The following BIRC6 variants were observed in gnomAD, a reference collection of about 807,000 sequenced individuals.
The protein encoded by BIRC6 is dual E2 ubiquitin-conjugating enzyme/E3 ubiquitin-protein ligase BIRC6.
A neutral mutation model predicts 503.3 loss-of-function variants in BIRC6; 98 were observed. That is an observed-to-expected ratio of 0.19 (90% CI 0.17 to 0.23). BIRC6 has a LOEUF of 0.23. Ranked by LOEUF, BIRC6 falls within the 10% of genes least tolerant of loss-of-function variation. The probability of loss-of-function intolerance (pLI) is 1.00; values close to 1 mark genes in which losing one functional copy is unlikely to be tolerated. For synonymous variants in BIRC6, 2,240 were observed against 2,078.7 expected, an observed-to-expected ratio of 1.08 and a Z score of -2.11; for missense variants, 5,360 against 5,806.0, an observed-to-expected ratio of 0.92 and a Z score of 2.50.
At chr2:32,441,186 G>C in intron 16 of BIRC6, 143 bp from the exon 17 acceptor site, 1 of 609,738 alleles carries the variant, frequency 1.6e-6, no homozygotes, top group South Asian at 2.7e-5. Flanking sequence ...TACTGAATAT[G>C]AGGGTACAAG....
At chr2:32,366,836 G>A (rs1339513133) in intron 1 of BIRC6, among the ~76,000 whole-genome samples, 1 of 151,912 alleles carries the variant, frequency 6.6e-6, no homozygotes, top group East Asian at 1.9e-4. Context: ...AAAAAAATTA[G>A]CTGGGTGTGG....
chr2:32,441,612 A>G (rs1221764928), intron 17 of BIRC6, 150 bp downstream of exon 17: 1 of 704,114 alleles, frequency 1.4e-6, no homozygotes. Flanking sequence ...TGAGAATATG[A>G]GTTGTCTTTA....
At chr2:32,505,842 T>C (rs1254922970) in intron 50 of BIRC6, among the ~76,000 whole-genome samples, 1 of 152,166 alleles carries the variant, frequency 6.6e-6, no homozygotes, top group Non-Finnish European at 1.5e-5. Flanking sequence ...TTATAAAGAA[T>C]ATGAAATACT....
At chr2:32,370,015 C>CATATATGTATGTAT (rs1310812909) in intron 1 of BIRC6, among the ~76,000 whole-genome samples, 4 of 91,226 alleles carry the variant, frequency 4.4e-5, no homozygotes, top group Non-Finnish European at 6.5e-5. Context: ...TATATATATG[C>CATATATGTATGTAT]ATATATGTAT....
chr2:32,391,119 A>G (rs1172432739), intron 4 of BIRC6, among the ~76,000 whole-genome samples: 7 of 152,318 alleles, frequency 4.6e-5, no homozygotes, highest in Non-Finnish European at 8.8e-5. Context: ...CTGCAGAGCT[A>G]TTTTCTTTGC....
chr2:32,527,818 G>T (rs2056400566), intron 59 of BIRC6: 1 of 152,186 alleles, frequency 6.6e-6, no homozygotes, highest in Non-Finnish European at 1.5e-5. Flanking sequence ...TGGTAAAATA[G>T]TCGAAATGGT....
chr2:32,422,896 A>G (rs959887796), intron 10 of BIRC6, among the ~76,000 whole-genome samples: 14 of 152,100 alleles, frequency 9.2e-5, no homozygotes, highest in Non-Finnish European at 1.5e-4. Flanking sequence ...TCTGCTATAA[A>G]CGTCTTGTGT....
At chr2:32,422,653 A>G (rs963197554) in intron 10 of BIRC6, among the ~76,000 whole-genome samples, 2 of 152,166 alleles carry the variant, frequency 1.3e-5, no homozygotes, top group Admixed American at 6.6e-5. Flanking sequence ...GAATATTTCA[A>G]CATATTTTAT....
At chr2:32,535,165 A>C (rs2057118787) in intron 61 of BIRC6, among the ~76,000 whole-genome samples, 1 of 149,332 alleles carries the variant, frequency 6.7e-6, no homozygotes, top group South Asian at 2.1e-4. Flanking sequence ...AAAAAAAAAA[A>C]AAAAAAAAAA....
At chr2:32,431,489 C>A (rs559478578) in intron 12 of BIRC6, among the ~76,000 whole-genome samples, 2 of 152,210 alleles carry the variant, frequency 1.3e-5, no homozygotes, top group African/African-American at 4.8e-5. Flanking sequence ...AGCCACCATG[C>A]CTGGCCTGTT....
intron 20 of BIRC6, 77 bp from the exon 21 acceptor site, chr2:32,445,444 A>T (rs1314827256): frequency 5.2e-6 from 7 of 1,339,250 alleles, no homozygotes; most frequent in Non-Finnish European, 7.0e-6. Context: ...TATTCTGATA[A>T]ATAGGTAATC....
chr2:32,358,790 C>T (rs920709950), intron 1 of BIRC6, among the ~76,000 whole-genome samples: 1 of 152,180 alleles, frequency 6.6e-6, no homozygotes, highest in African/African-American at 2.4e-5. Flanking sequence ...AAACTTGGAA[C>T]ATATCTAAGA....
chr2:32,485,498 C>T, intron 39 of BIRC6, 145 bp from the exon 40 acceptor site: 1 of 552,586 alleles, frequency 1.8e-6, no homozygotes, highest in Non-Finnish European at 3.2e-6. Flanking sequence ...CCTGCTGTGG[C>T]TCCGATACTG....
intron 66 of BIRC6, among the ~76,000 whole-genome samples, chr2:32,589,612 T>C (rs973655157): frequency 3.9e-5 from 6 of 152,238 alleles, no homozygotes; most frequent in African/African-American, 1.4e-4. Context: ...TATACCCATA[T>C]ATTTCTTTAA....
intron 70 of BIRC6, among the ~76,000 whole-genome samples, chr2:32,600,594 A>G (rs1215493670): frequency 6.6e-6 from 1 of 152,236 alleles, no homozygotes; most frequent in African/African-American, 2.4e-5. Flanking sequence ...GGAAGAGGAA[A>G]TAGCAACATT....
At chr2:32,469,990 AC>A (rs781637840) in intron 30 of BIRC6, among the ~76,000 whole-genome samples, 177 bp from the exon 31 acceptor site, 16 of 152,324 alleles carry the variant, frequency 1.1e-4, no homozygotes, top group Non-Finnish European at 2.1e-4. Context: ...TAGAAAAAAA[AC>A]TAATTTTAGC....
Position 32,501,838 on chromosome 2 carries a change from A to G in BIRC6, c.9157A>G (p.Met3053Val), listed in dbSNP as rs767004106. 6.2e-7 allele frequency: 1 copy of G among 1,613,840 alleles called. No homozygotes were observed. The highest frequency in any genetic ancestry group is 8.5e-7 in the Non-Finnish European group (1 of 1,179,822). The change falls in exon 47 of 74, where the codon ATG (methionine) becomes GTG (valine). Residue 3053 changes from methionine to valine, a missense_variant. Met to Val is a conservative substitution (Grantham distance 21). Around this residue, in one of 16 missense-constraint regions of BIRC6, gnomAD observed 267 missense variants for 287.6 expected, o/e 0.93. Coordinates refer to ENST00000421745, the MANE Select transcript of BIRC6 (RefSeq NM_016252.4). ...TAAAAAAGCTTCTACAGTCCACATG[A>G]TGCTGCAGCCAATTTTAACATACAT... ...LSKKASTVHM[M>V]LQPILTYMAC...
intron 3 of BIRC6, 57 bp downstream of exon 3, chr2:32,380,347 C>A (rs1036553106): frequency 3.4e-6 from 5 of 1,492,092 alleles, no homozygotes; most frequent in Non-Finnish European, 2.7e-6. Flanking sequence ...CACCTCCATT[C>A]TTTTGCACTT....
chr2:32,499,385 C>G (rs1354578418), intron 45 of BIRC6, among the ~76,000 whole-genome samples, 162 bp from the exon 46 acceptor site: 1 of 152,160 alleles, frequency 6.6e-6, no homozygotes, highest in Non-Finnish European at 1.5e-5. Context: ...AAACTATTAG[C>G]TACCTAATGA....
Sources: gnomAD v4.1 joint callset for allele counts (sites outside exome capture counted in the v4.1 genomes callset) on GRCh38, gnomAD v4.1.1 for gene constraint, gnomAD v4.1.1 regional missense constraint, MANE v1.5 for transcripts, NCBI Gene and HGNC (gene_info 2026-07-23, HGNC 2026-07-21) for gene names.